PTPRB: variants seen among roughly 807,000 people sequenced by gnomAD.
The protein encoded by PTPRB is receptor-type tyrosine-protein phosphatase beta.
In PTPRB, 97 loss-of-function variants were observed where a neutral mutation model predicts 238.1. The observed-to-expected ratio is 0.41, with a 90% CI of 0.35 to 0.48. The LOEUF is 0.48. PTPRB is among the 20% of genes least tolerant of loss of function. The probability of loss-of-function intolerance (pLI) is 0.30; values close to 1 mark genes in which losing one functional copy is unlikely to be tolerated. For missense variants in PTPRB, 2,292 were observed against 2,681.9 expected, an observed-to-expected ratio of 0.85 and a Z score of 3.21; for synonymous variants, 970 against 995.4, an observed-to-expected ratio of 0.97 and a Z score of 0.48.
At chr12:70,610,746 T>A (rs1191587399) in intron 3 of PTPRB, among the ~76,000 whole-genome samples, 1 of 152,192 alleles carries the variant, frequency 6.6e-6, no homozygotes, top group Non-Finnish European at 1.5e-5. Context: ...ATATAATCAC[T>A]ACCAAGTGTT....
intron 7 of PTPRB, among the ~76,000 whole-genome samples, chr12:70,591,193 C>T (rs1333548723): frequency 6.6e-6 from 1 of 151,444 alleles, no homozygotes; most frequent in African/African-American, 2.4e-5. Context: ...ACCTCAGCCT[C>T]CTAAAGTGCT....
At chr12:70,584,639 A>C (rs962934536) in intron 9 of PTPRB, among the ~76,000 whole-genome samples, 2 of 152,204 alleles carry the variant, frequency 1.3e-5, no homozygotes, top group Non-Finnish European at 2.9e-5. Flanking sequence ...TTGGAACTTA[A>C]GGAAAATATC....
In PTPRB at chr12:70,581,258, T is replaced by C. The variant is rs1270782418; in HGVS notation, c.2356A>G (p.Thr786Ala). 6.2e-7 allele frequency: 1 copy of C among 1,613,928 alleles called. No homozygotes were observed. The highest frequency in any genetic ancestry group is 2.2e-5 in the East Asian group (1 of 44,874). The change falls in exon 10 of 34, where the codon ACC becomes GCC. Residue 786 changes from threonine to alanine, a missense_variant. This residue lies in a region of PTPRB where 1,205 missense variants were observed against 1,287.8 expected (regional missense o/e 0.94). Coordinates refer to ENST00000334414, the MANE Select transcript of PTPRB (RefSeq NM_001109754.4). ...TDLHVANQGM[T>A]SSLFTNWTQA... ...GTCCAGTTAGTAAACAGACTACTGG[T>C]CATTCCTTGGTTGGCCACATGCAAG...
intron 2 of PTPRB, among the ~76,000 whole-genome samples, chr12:70,627,556 A>C (rs1885261816): frequency 6.6e-6 from 1 of 152,132 alleles, no homozygotes; most frequent in South Asian, 2.1e-4. Flanking sequence ...GAAAGGGACC[A>C]TAGAGGCAAA....
In PTPRB at chr12:70,586,927, T is replaced by A. The variant is rs1276451567; in HGVS notation, c.2311+80A>T. On this transcript the variant is annotated intron_variant, in intron 9 of 33. Transcript: ENST00000334414. ...TGCCCAGTACATAATAGGCAGTTAA[T>A]GAATACTTGTAAATTGCATGTTAAA... The A allele has an allele frequency of 3.6e-6, 5 of 1,389,790 alleles. No individual in the cohort carries two copies. In the East Asian group the frequency reaches 1.1e-4, roughly 32 times the overall value. The allele number at this position is 1,389,790 out of a possible 1,614,324, so 86.1% of individuals were successfully genotyped here. A position where few individuals can be genotyped will look rare whatever the true frequency, so the allele number is the denominator to read the frequency against.
intron 3 of PTPRB, among the ~76,000 whole-genome samples, chr12:70,610,325 T>C (rs1413519247): frequency 6.6e-6 from 1 of 152,138 alleles, no homozygotes; most frequent in Admixed American, 6.5e-5. Context: ...CCCCAGTCTG[T>C]GGTTCTCGAC....
chr12:70,609,375 A>T, intron 3 of PTPRB, 36 bp from the exon 4 acceptor site: 1 of 1,600,832 alleles, frequency 6.2e-7, no homozygotes, highest in Non-Finnish European at 8.5e-7. Context: ...TTAAGTCCAC[A>T]GTCTGGACTG....
In PTPRB at chr12:70,556,018, A is replaced by T; in HGVS notation, c.4845T>A (p.Val1615=). ...CTTTCTCCAGCTTTCTGGAAAACTC[A>T]ACTTCTTGGGTGTCCATTTTCCGGC... ...IECRKMDTQE[V]EFSRKLEKEK... is the part of the protein sequence containing the mutation. The change falls in exon 19 of 34, where the codon GTT becomes GTA. Residue 1615 remains valine (V), a synonymous_variant. Transcript: ENST00000334414. 6.2e-7 allele frequency: 1 copy of T among 1,613,964 alleles called. No homozygotes were observed. The highest frequency in any genetic ancestry group is 8.5e-7 in the Non-Finnish European group (1 of 1,179,884).
At chr12:70,601,567 C>T (rs2136506890) in intron 4 of PTPRB, among the ~76,000 whole-genome samples, 1 of 152,116 alleles carries the variant, frequency 6.6e-6, no homozygotes, top group African/African-American at 2.4e-5. Context: ...ATTGGAACTG[C>T]ATTTATGTAG....
chr12:70,598,554 A>G (rs1047556869), intron 4 of PTPRB, among the ~76,000 whole-genome samples: 1 of 152,172 alleles, frequency 6.6e-6, no homozygotes, highest in African/African-American at 2.4e-5. Context: ...AATAATACTT[A>G]TATTCCAAGG....
In PTPRB at chr12:70,590,239, C is replaced by A; in HGVS notation, c.1781-6G>T. ...GTTTGCAACTTTGTCTGGAACTAAA[C>A]GGTGAAATGATGTCAAAAAGGAGAT... On this transcript the variant is annotated splice_polypyrimidine_tract_variant and splice_region_variant and intron_variant, in intron 7 of 33. Transcript: ENST00000334414. 6.5e-7 allele frequency: 1 copy of A among 1,540,082 alleles called. No homozygotes were observed. Among genetic ancestry groups the A allele is most frequent in the Non-Finnish European group, 8.7e-7 (1 of 1,143,686 alleles).
chr12:70,623,237 T>C (rs1885027203), intron 2 of PTPRB, among the ~76,000 whole-genome samples: 1 of 152,174 alleles, frequency 6.6e-6, no homozygotes, highest in Admixed American at 6.5e-5. Flanking sequence ...ATGAGACTGT[T>C]GTATTTTCTA....
chr12:70,538,935 T>C lies in PTPRB; in HGVS notation c.5858A>G (p.Asn1953Ser). The part of the protein sequence containing the change: ...PENRGKNRYN[N>S]ILPYDATRVK... ...GACACAAAACTTACAGGGCAATATA[T>C]TGTTGTATCGATTTTTCCCTCTATT... is the stretch of plus-strand genomic sequence containing the variant. The change falls in exon 27 of 34, where the codon AAT becomes AGT. Residue 1953 changes from asparagine (N) to serine (S), a missense_variant. Coordinates refer to ENST00000334414, the MANE Select transcript of PTPRB (RefSeq NM_001109754.4). 1 of 1,612,498 alleles carries C rather than the reference T, an allele frequency of 6.2e-7. No individual in the cohort carries two copies. Among genetic ancestry groups the C allele is most frequent in the Non-Finnish European group, 8.5e-7 (1 of 1,179,008 alleles).
chr12:70,570,183 G>T (rs1437915249), intron 13 of PTPRB, among the ~76,000 whole-genome samples: 1 of 152,190 alleles, frequency 6.6e-6, no homozygotes, highest in Admixed American at 6.5e-5. Context: ...CGAGGGGCTA[G>T]TTAGGGTGTC....
intron 10 of PTPRB, among the ~76,000 whole-genome samples, chr12:70,580,143 C>T (rs1592526475): frequency 6.6e-6 from 1 of 151,632 alleles, no homozygotes; most frequent in Non-Finnish European, 1.5e-5. Flanking sequence ...TAATTTCTTC[C>T]TCGGTGCCAT....
At chr12:70,589,903 T>C in intron 8 of PTPRB, 61 bp downstream of exon 8, 4 of 1,524,754 alleles carry the variant, frequency 2.6e-6, no homozygotes, top group Non-Finnish European at 3.6e-6. Flanking sequence ...GTTACCTGGG[T>C]TACCTGGGAG....
At chr12:70,537,170 T>C (rs531666182) in intron 28 of PTPRB, among the ~76,000 whole-genome samples, 40 of 150,852 alleles carry the variant, frequency 2.7e-4, no homozygotes, top group East Asian at 2.0e-4. Context: ...GCCTGTAGTC[T>C]CAGCTACTCG....
intron 18 of PTPRB, among the ~76,000 whole-genome samples, chr12:70,558,601 G>A (rs368235151): frequency 2.0e-5 from 3 of 152,232 alleles, no homozygotes; most frequent in African/African-American, 7.2e-5. Context: ...CTTCGTCGTC[G>A]AAGTATTTTT....
chr12:70,574,819 A>G (rs1332394125), intron 11 of PTPRB, among the ~76,000 whole-genome samples: 1 of 152,228 alleles, frequency 6.6e-6, no homozygotes, highest in African/African-American at 2.4e-5. Context: ...ATGCCGGTCA[A>G]GGAGTCAAGA....
Sources: gnomAD v4.1 joint callset for allele counts (sites outside exome capture counted in the v4.1 genomes callset) on GRCh38, gnomAD v4.1.1 for gene constraint, gnomAD v4.1.1 regional missense constraint, MANE v1.5 for transcripts, NCBI Gene and HGNC (gene_info 2026-07-23, HGNC 2026-07-21) for gene names.